The following WNT7B variants were observed in gnomAD, a reference collection of about 807,000 sequenced individuals.
The protein encoded by WNT7B is protein Wnt-7b.
Under a neutral mutation model 38.2 loss-of-function variants are expected in WNT7B, and 19 were observed. The observed-to-expected ratio is 0.50, with a 90% CI of 0.35 to 0.73. WNT7B has a LOEUF of 0.73. Among genes scored for constraint, WNT7B ranks in the 30% least tolerant of loss-of-function variants. The pLI, the probability that WNT7B is intolerant of heterozygous loss-of-function variation, is 0.01. For synonymous variants in WNT7B, 243 were observed against 209.3 expected (o/e 1.16, Z -1.39); for missense variants, 423 against 507.9 (o/e 0.83, Z 1.61).
chr22:45,933,157 C>A (rs1339989992), intron 2 of WNT7B, among the ~76,000 whole-genome samples: 5 of 152,174 alleles, frequency 3.3e-5, no homozygotes. Context: ...CCTTGGTAGG[C>A]TGTCTGTCTG....
chr22:45,944,034 C>T (rs1185644627), intron 2 of WNT7B, among the ~76,000 whole-genome samples: 1 of 152,174 alleles, frequency 6.6e-6, no homozygotes, highest in Non-Finnish European at 1.5e-5. Context: ...TGGCAGAGTC[C>T]CAGCCCCCAC....
chr22:45,963,487 G>T (rs980867778), intron 1 of WNT7B, among the ~76,000 whole-genome samples: 3 of 152,120 alleles, frequency 2.0e-5, no homozygotes, highest in Admixed American at 6.5e-5. Context: ...CCTGAGTGCC[G>T]TCCCTGCCTT....
At chr22:45,949,653 G>A (rs144852643) in intron 2 of WNT7B, among the ~76,000 whole-genome samples, 15 of 152,300 alleles carry the variant, frequency 9.8e-5, no homozygotes, top group East Asian at 1.9e-4. Context: ...AAGGGCCCAC[G>A]GCCACGTCAC....
chr22:45,927,965 A>G (rs919990818), intron 3 of WNT7B, among the ~76,000 whole-genome samples: 3 of 152,152 alleles, frequency 2.0e-5, no homozygotes, highest in African/African-American at 7.2e-5. Context: ...CAGGGGCTGG[A>G]GGGATGTGGC....
At chr22:45,927,021 G>A (rs1931106323) in intron 3 of WNT7B, 1 of 985,334 alleles carries the variant, frequency 1.0e-6, no homozygotes. Flanking sequence ...CACAGCGATA[G>A]CTTCTAACCT....
chr22:45,973,395 C>T (rs559859227), intron 1 of WNT7B, among the ~76,000 whole-genome samples: 8 of 152,308 alleles, frequency 5.3e-5, no homozygotes, highest in Admixed American at 3.9e-4. Context: ...CGGTCTGGCC[C>T]GTCGTCCTGA....
chr22:45,929,851 CTCATCCTTCCATCCATCCATCCAA>C (rs1931265513), intron 3 of WNT7B, among the ~76,000 whole-genome samples: 1 of 125,294 alleles, frequency 8.0e-6, no homozygotes, highest in African/African-American at 3.3e-5. Flanking sequence ...CATCCACCCA[CTCATCCTTCCATCCATCCATCCAA>C]CCATCTACCC....
chr22:45,950,955 G>T (rs1329035968), intron 1 of WNT7B, among the ~76,000 whole-genome samples: 1 of 150,230 alleles, frequency 6.7e-6, no homozygotes, highest in Non-Finnish European at 1.5e-5. Flanking sequence ...GTGGTCCACT[G>T]AGGGGAACTT....
intron 2 of WNT7B, chr22:45,935,953 C>T (rs1293173541): frequency 2.0e-6 from 2 of 985,174 alleles, no homozygotes; most frequent in African/African-American, 3.5e-5. Context: ...TCTCGGGGGG[C>T]CTAGGGGCCT....
chr22:45,925,181 G>C (rs1163966584), intron 3 of WNT7B: 2 of 981,142 alleles, frequency 2.0e-6, no homozygotes, highest in Admixed American at 6.2e-5. Context: ...GTGGGTGCCG[G>C]GTGGGCCCTA....
At position 45,931,386 on chromosome 22, in the gene WNT7B, G is replaced by A. The variant is rs28419688; in HGVS notation, c.299-17C>T. The stretch of plus-strand genomic sequence containing the variant: ...CACGGCTCCCTGCGGGGACAGACAG[G>A]TGCAGAAGGTGAGACCCCAGGCCCT... On this transcript the variant is annotated splice_polypyrimidine_tract_variant and intron_variant, in intron 2 of 3. Transcript: ENST00000339464. The A allele has an allele frequency of 0.038, 60,113 of 1,569,436 alleles. 1,366 individuals are homozygous for A. Among genetic ancestry groups the A allele is most frequent in the Non-Finnish European group, 0.045 (52,509 of 1,162,140 alleles).
Position 45,921,952 on chromosome 22 carries a change from G to A in WNT7B, c.*904C>T, listed in dbSNP as rs956336159. The A allele has an allele frequency of 5.3e-5, 8 of 152,200 alleles. No homozygotes were observed. The highest frequency in any genetic ancestry group is 1.9e-4 in the African/African-American group (8 of 41,518). 9.4% of individuals were successfully genotyped at this position (152,200 alleles called of 1,614,324 possible). On this transcript the variant is annotated 3_prime_UTR_variant, in exon 4 of 4. Transcript: ENST00000339464. ...ATTTTTGTATTTTTAGTAGAGACAGGGTTTCACCACGTTGGCCAGGCTGGT... is the reference window on the plus strand; with the variant it reads ...ATTTTTGTATTTTTAGTAGAGACAGAGTTTCACCACGTTGGCCAGGCTGGT...
chr22:45,935,619 G>T (rs1931495513), intron 2 of WNT7B, among the ~76,000 whole-genome samples: 1 of 152,178 alleles, frequency 6.6e-6, no homozygotes, highest in South Asian at 2.1e-4. Context: ...TGCCCCTCAG[G>T]CTGCAGGCAG....
chr22:45,933,227 G>A (rs1241477577), intron 2 of WNT7B, among the ~76,000 whole-genome samples: 2 of 152,172 alleles, frequency 1.3e-5, no homozygotes. Context: ...ACTAAGGGGA[G>A]GATGGTGTCC....
intron 2 of WNT7B, among the ~76,000 whole-genome samples, chr22:45,943,190 G>T (rs1275557515): frequency 2.6e-5 from 4 of 152,146 alleles, no homozygotes; most frequent in Non-Finnish European, 5.9e-5. Context: ...CTCCCTCTGG[G>T]TCCCTTGGTC....
intron 1 of WNT7B, among the ~76,000 whole-genome samples, chr22:45,964,931 C>G (rs1364457215): frequency 6.6e-6 from 1 of 152,194 alleles, no homozygotes; most frequent in Non-Finnish European, 1.5e-5. Flanking sequence ...GGCCCTGCAT[C>G]TGCAGCTGGT....
intron 2 of WNT7B, among the ~76,000 whole-genome samples, chr22:45,932,063 G>A (rs1310371519): frequency 2.0e-5 from 3 of 152,160 alleles, no homozygotes; most frequent in Non-Finnish European, 2.9e-5. Context: ...AGAACTGCCT[G>A]GACTTGGGCA....
At chr22:45,946,505 C>T (rs960557241) in intron 2 of WNT7B, among the ~76,000 whole-genome samples, 1 of 152,248 alleles carries the variant, frequency 6.6e-6, no homozygotes, top group African/African-American at 2.4e-5. Context: ...TGGCAGAACA[C>T]TGCTCGGCTG....
intron 3 of WNT7B, 103 bp downstream of exon 3, chr22:45,930,995 G>T (rs1415544929): frequency 4.2e-6 from 6 of 1,428,094 alleles, no homozygotes; most frequent in Non-Finnish European, 5.5e-6. Context: ...CACCTACGGA[G>T]ACTCAACTGC....
Sources: allele counts gnomAD v4.1 joint callset (sites outside exome capture counted in the v4.1 genomes callset), GRCh38; gene constraint gnomAD v4.1.1; transcripts MANE v1.5; gene names NCBI Gene and HGNC (gene_info 2026-07-23, HGNC 2026-07-21).